The following MYLK variants were observed in gnomAD, a reference collection of about 807,000 sequenced individuals.
The protein encoded by MYLK is myosin light chain kinase.
MYLK carries 106 observed loss-of-function variants against 203.4 expected under a neutral mutation model. The ratio of observed to expected loss-of-function variants is 0.52; its 90% CI spans 0.45 to 0.61. MYLK has a LOEUF of 0.61. MYLK is among the 20% of genes least tolerant of loss of function. The pLI is 0.00. For synonymous variants in MYLK, 867 were observed against 959.5 expected (o/e 0.90, Z 1.78); for missense variants, 2,072 against 2,442.3 (o/e 0.85, Z 3.20).
chr3:123,827,724 T>TATATAC (rs2066174162), intron 3 of MYLK, among the ~76,000 whole-genome samples: 1 of 110,074 alleles, frequency 9.1e-6, no homozygotes, highest in East Asian at 2.4e-4. Flanking sequence ...TATATATATA[T>TATATAC]ATATATATAT....
chr3:123,615,891 T>C (rs2057463666), intron 33 of MYLK, among the ~76,000 whole-genome samples: 1 of 152,314 alleles, frequency 6.6e-6, no homozygotes, highest in Non-Finnish European at 1.5e-5. Flanking sequence ...TCAAGTGATC[T>C]GCCTGCCTTG....
Position 123,629,398 on chromosome 3 carries a change from G to A in MYLK, c.5114+76C>T. On this transcript the variant is annotated intron_variant, in intron 30 of 33. Coordinates refer to ENST00000360304, the MANE Select transcript of MYLK (RefSeq NM_053025.4). The surrounding 1 kb of genome is among the most constrained non-coding windows in gnomAD (Gnocchi z 4.4). ...GGGTGGCAAGGAGGGCACCCCAACA[G>A]GCAAAGGAATCCCCCTTTGCTTCCC... 6.3e-7 allele frequency: 1 copy of A among 1,578,756 alleles called. No homozygotes were observed. The highest frequency in any genetic ancestry group is 8.7e-7 in the Non-Finnish European group (1 of 1,151,690).
intron 2 of MYLK, among the ~76,000 whole-genome samples, chr3:123,842,292 T>C (rs976683502): frequency 2.0e-5 from 3 of 152,086 alleles, no homozygotes; most frequent in Admixed American, 6.6e-5. Context: ...AGAATCACTA[T>C]ATAATAATAA....
At chr3:123,686,545 T>C (rs1408140356) in intron 19 of MYLK, among the ~76,000 whole-genome samples, 1 of 152,144 alleles carries the variant, frequency 6.6e-6, no homozygotes, top group Admixed American at 6.5e-5. Context: ...CCCTCCTTGC[T>C]GGCCTCTCTC....
At chr3:123,822,351 A>G (rs1376958399) in intron 3 of MYLK, among the ~76,000 whole-genome samples, 1 of 152,166 alleles carries the variant, frequency 6.6e-6, no homozygotes, top group East Asian at 1.9e-4. Flanking sequence ...TGGTCAAGAG[A>G]AGAGGCCACT....
chr3:123,807,629 C>T (rs2065417228), intron 3 of MYLK, among the ~76,000 whole-genome samples: 1 of 152,216 alleles, frequency 6.6e-6, no homozygotes, highest in Non-Finnish European at 1.5e-5. Flanking sequence ...GGGGTGACTT[C>T]ATTTGAATCC....
At chr3:123,791,243 G>A (rs1385266463) in intron 4 of MYLK, among the ~76,000 whole-genome samples, 7 of 152,180 alleles carry the variant, frequency 4.6e-5, no homozygotes. Context: ...TGCAAGTTTT[G>A]AGTGTTTGGA....
chr3:123,614,028 G>GTT lies in MYLK; in HGVS notation c.*75_*76dup, dbSNP rs35930843. The stretch of plus-strand genomic sequence containing the variant: ...ACACTAGGTGCTTTTACTATCTTGA[G>GTT]TTTTTTTTTTTTTTTTGAGTTTTAG... On this transcript the variant is annotated 3_prime_UTR_variant, in exon 34 of 34. Coordinates refer to ENST00000360304, the MANE Select transcript of MYLK (RefSeq NM_053025.4). The GTT allele has an allele frequency of 0.024, 30,551 of 1,263,736 alleles. 11 individuals are homozygous for GTT. Among genetic ancestry groups the GTT allele is most frequent in the South Asian group, 0.028 (2,023 of 73,042 alleles). The allele number at this position is 1,263,736 out of a possible 1,614,324, so 78.3% of individuals were successfully genotyped here.
intron 4 of MYLK, among the ~76,000 whole-genome samples, chr3:123,755,356 G>A (rs1016484463): frequency 2.0e-5 from 3 of 152,164 alleles, no homozygotes; most frequent in African/African-American, 4.8e-5. Context: ...CAATCCTTCT[G>A]TCTCTTTCTC....
rs575902869 is a variant in MYLK at position 123,634,863 on chromosome 3, G to A, written c.4961+3208C>T. Among the ~76,000 whole-genome samples the A allele has an allele frequency of 3.9e-5, 6 of 152,320 alleles. No individual in the cohort carries two copies. The East Asian group carries it at 1.2e-3, about 29-fold the overall frequency. On this transcript the variant is annotated intron_variant, in intron 29 of 33. Transcript: ENST00000360304. The stretch of plus-strand genomic sequence containing the variant: ...TGGAAGTGTGGCCTCCAGCTCTCTG[G>A]TATTCTCACTTCCTGCCAGAAACCA...
At chr3:123,833,613 A>T (rs549174325) in intron 2 of MYLK, among the ~76,000 whole-genome samples, 1 of 152,136 alleles carries the variant, frequency 6.6e-6, no homozygotes, top group African/African-American at 2.4e-5. Flanking sequence ...TTATTTCACA[A>T]CTCACATGCA....
chr3:123,635,958 C>T (rs372347172), intron 29 of MYLK, among the ~76,000 whole-genome samples: 35 of 152,130 alleles, frequency 2.3e-4, no homozygotes, highest in African/African-American at 8.2e-4. Flanking sequence ...GTCTCACAAA[C>T]GATGTCAAGC....
chr3:123,811,372 G>A (rs1364238020), intron 3 of MYLK, among the ~76,000 whole-genome samples: 1 of 152,200 alleles, frequency 6.6e-6, no homozygotes, highest in African/African-American at 2.4e-5. Flanking sequence ...CAGGGATCAT[G>A]GGCCTTGAGG....
chr3:123,644,867 T>C (rs1411721346), intron 27 of MYLK, among the ~76,000 whole-genome samples: 1 of 152,216 alleles, frequency 6.6e-6, no homozygotes, highest in African/African-American at 2.4e-5. Context: ...TATGGTTCCA[T>C]GAAATAGTAG....
At chr3:123,637,944 G>T in intron 29 of MYLK, 127 bp downstream of exon 29, 1 of 1,431,942 alleles carries the variant, frequency 7.0e-7, no homozygotes, top group Non-Finnish European at 9.6e-7. Context: ...CCACCCTCCT[G>T]ACTCTGGGGG....
At chr3:123,857,447 C>T (rs1229634524) in intron 2 of MYLK, among the ~76,000 whole-genome samples, 2 of 151,958 alleles carry the variant, frequency 1.3e-5, no homozygotes. Flanking sequence ...CACATATACA[C>T]CATGGAATAC....
chr3:123,663,426 G>A (rs1405981762), intron 23 of MYLK, among the ~76,000 whole-genome samples: 1 of 152,180 alleles, frequency 6.6e-6, no homozygotes, highest in East Asian at 1.9e-4. Flanking sequence ...TAGGCAGCTG[G>A]AGGGTGCTGG....
At position 123,638,334 on chromosome 3, in the gene MYLK, C is replaced by A. The variant is rs573756546; in HGVS notation, c.4838-140G>T. 2.0e-5 allele frequency: 24 copies of A among 1,207,052 alleles called. No homozygotes were observed. In the African/African-American group the frequency reaches 3.2e-4, roughly 16 times the overall value. 74.8% of individuals were successfully genotyped at this position (1,207,052 alleles called of 1,614,324 possible). On this transcript the variant is annotated intron_variant, in intron 28 of 33. Transcript: ENST00000360304. Reference sequence around the variant, plus strand: ...TTGGCACAGAGAACAGGCACAGAGACATCTGACCTCCTTGTTAAACAGGTG... The same window carrying A: ...TTGGCACAGAGAACAGGCACAGAGAAATCTGACCTCCTTGTTAAACAGGTG...
intron 18 of MYLK, among the ~76,000 whole-genome samples, chr3:123,699,127 C>G (rs77792500): frequency 0.058 from 8,813 of 152,112 alleles, 1,019 homozygotes; most frequent in East Asian, 0.5. Context: ...CAACCTATCC[C>G]TCCGCTGGCT....
Sources: gnomAD v4.1 joint callset for allele counts (sites outside exome capture counted in the v4.1 genomes callset) on GRCh38, gnomAD v4.1.1 for gene constraint, Gnocchi (gnomAD v3.1) non-coding constraint, MANE v1.5 for transcripts, NCBI Gene and HGNC (gene_info 2026-07-23, HGNC 2026-07-21) for gene names.